Variants in COPE observed in about 807,000 individuals in gnomAD.
COPE encodes coat protein complex I subunit epsilon, also known as coatomer subunit epsilon.
Under a neutral mutation model 42.1 loss-of-function variants are expected in COPE, and 19 were observed. That is an observed-to-expected ratio of 0.45 (90% CI 0.31 to 0.66). The LOEUF (loss-of-function observed/expected upper bound fraction) is 0.66. COPE is among the 30% of genes least tolerant of loss of function. COPE has a pLI of 0.05. For synonymous variants in COPE, 195 were observed against 181.3 expected, an observed-to-expected ratio of 1.08 and a Z score of -0.60; for missense variants, 402 against 416.1, an observed-to-expected ratio of 0.97 and a Z score of 0.30.
chr19:18,906,981 T>G lies in COPE; in HGVS notation c.422A>C (p.His141Pro). Residue 141 changes from histidine to proline, a missense_variant, in exon 4 of 10, where the codon CAC (histidine) becomes CCC (proline). Physicochemically the swap from His to Pro is moderately conservative, Grantham distance 77. Transcript: ENST00000262812. Reference protein sequence around the residue: ...QNPDAALRALHQGDSLECTAM... With the variant: ...QNPDAALRALPQGDSLECTAM... ...TCACCACTCCAGGCTGTCCCCCTGG[T>G]GCAGCGCACGCAGGGCGGCATCCGG... 6.4e-7 allele frequency: 1 copy of G among 1,568,532 alleles called. No individual in the cohort carries two copies. Among genetic ancestry groups the G allele is most frequent in the Non-Finnish European group, 8.6e-7 (1 of 1,157,036 alleles).
At chr19:18,900,740 C>T (rs996928863) in intron 7 of COPE, among the ~76,000 whole-genome samples, 1 of 152,194 alleles carries the variant, frequency 6.6e-6, no homozygotes, top group Non-Finnish European at 1.5e-5. Context: ...AGCCATGGGG[C>T]CCAGACCCAG....
intron 3 of COPE, among the ~76,000 whole-genome samples, chr19:18,909,886 C>T (rs1470369650): frequency 6.6e-6 from 1 of 152,150 alleles, no homozygotes; most frequent in East Asian, 1.9e-4. Flanking sequence ...TCTTCATCTC[C>T]TTATCTCTTA....
chr19:18,907,733 T>C (rs573229928), intron 3 of COPE, among the ~76,000 whole-genome samples: 21 of 152,342 alleles, frequency 1.4e-4, no homozygotes, highest in African/African-American at 1.7e-4. Flanking sequence ...CCCATGGCTA[T>C]TGAGCAGCTA....
In COPE at chr19:18,903,311, C is replaced by T. The variant is rs148204630; in HGVS notation, c.692G>A (p.Arg231His). 8.1e-6 allele frequency: 13 copies of T among 1,609,688 alleles called. No homozygotes were observed. Among genetic ancestry groups the T allele is most frequent in the African/African-American group, 2.7e-5 (2 of 74,774 alleles). ...CAGCAGGCCCTCAGCGGCCTCCCAG[C>T]GGCCCTGGGCCATGTGGCAGGCCGC... ...GQAACHMAQG[R>H]WEAAEGLLQE... The change falls in exon 7 of 10, where the codon CGC (arginine) becomes CAC (histidine). Residue 231 changes from arginine to histidine, a missense_variant. Physicochemically the swap from Arg to His is conservative, Grantham distance 29. Coordinates refer to ENST00000262812, the MANE Select transcript of COPE (RefSeq NM_007263.4).
At chr19:18,903,497 C>CG (rs1487059392) in intron 6 of COPE, 74 bp from the exon 7 acceptor site, 38 of 1,498,394 alleles carry the variant, frequency 2.5e-5, no homozygotes, top group East Asian at 1.5e-4. Flanking sequence ...CCTCCCCTAG[C>CG]GGGGGGGACT....
At position 18,899,688 on chromosome 19, in the gene COPE, G is replaced by A. The variant is rs2056676750; in HGVS notation, c.918C>T (p.Pro306=). 2 of 1,613,578 alleles carry A rather than the reference G, an allele frequency of 1.2e-6. No individual in the cohort carries two copies. Among genetic ancestry groups the A allele is most frequent in the Non-Finnish European group, 1.7e-6 (2 of 1,179,972 alleles). ...CAGCTCTGGGCCAGCCTCAGGCGCT[G>A]GGAGCGTACTGTAGCACCAGCCTGT... ...DFDRLVLQYA[P]SA is the part of the protein sequence containing the mutation. Residue 306 remains proline (P), a synonymous_variant, in exon 10 of 10, where the codon CCC becomes CCT. Transcript: ENST00000262812.
intron 2 of COPE, 121 bp from the exon 3 acceptor site, chr19:18,911,192 C>CA: frequency 1.2e-6 from 1 of 818,186 alleles, no homozygotes; most frequent in Non-Finnish European, 2.1e-6. Flanking sequence ...CTCAGCCCAG[C>CA]ATGGGCCACC....
chr19:18,905,731 T>C, intron 4 of COPE, 102 bp from the exon 5 acceptor site: 5 of 1,247,874 alleles, frequency 4.0e-6, no homozygotes, highest in Non-Finnish European at 5.6e-6. Context: ...TGTTCCTAAG[T>C]CCTGTGCTTA....
chr19:18,903,769 G>A (rs963426572), intron 6 of COPE, among the ~76,000 whole-genome samples: 3 of 152,230 alleles, frequency 2.0e-5, no homozygotes, highest in African/African-American at 7.2e-5. Flanking sequence ...GGAGGAGTCA[G>A]CTCTGTGACC....
At chr19:18,902,809 G>GA (rs1244646448) in intron 7 of COPE, among the ~76,000 whole-genome samples, 3 of 29,878 alleles carry the variant, frequency 1.0e-4, no homozygotes, top group Admixed American at 5.2e-4. Flanking sequence ...AGGAAGGAAG[G>GA]AAGGAAGGAA....
intron 1 of COPE, among the ~76,000 whole-genome samples, chr19:18,914,472 T>G (rs117350146): frequency 6.6e-6 from 1 of 151,700 alleles, no homozygotes; most frequent in African/African-American, 2.4e-5. Flanking sequence ...ACCCGGGAGA[T>G]AGAGGCTGTA....
At chr19:18,911,270 C>G (rs1405525103) in intron 2 of COPE, 199 bp from the exon 3 acceptor site, 1 of 594,704 alleles carries the variant, frequency 1.7e-6, no homozygotes, top group Non-Finnish European at 3.0e-6. Flanking sequence ...GTGCCCTCAT[C>G]TGCAGGGCCA....
chr19:18,905,335 CTCACCCTGTGGGAGAGG>C (rs922087987), intron 5 of COPE, among the ~76,000 whole-genome samples: 5 of 152,188 alleles, frequency 3.3e-5, no homozygotes, highest in South Asian at 4.1e-4. Flanking sequence ...GAAGCCCACC[CTCACCCTGTGGGAGAGG>C]CCTGCCACCC....
At chr19:18,900,328 G>C (rs1486386677) in intron 8 of COPE, 53 bp downstream of exon 8, 1 of 1,432,846 alleles carries the variant, frequency 7.0e-7, no homozygotes. Flanking sequence ...CCCCAGGCTG[G>C]GGTCCCAGGG....
At chr19:18,901,156 G>A (rs980914368) in intron 7 of COPE, among the ~76,000 whole-genome samples, 29 of 152,204 alleles carry the variant, frequency 1.9e-4, no homozygotes, top group Admixed American at 9.2e-4. Flanking sequence ...CAAGAATGCA[G>A]GGTGACCACA....
In COPE at chr19:18,903,392, A is replaced by G; in HGVS notation, c.611T>C (p.Ile204Thr). 1.2e-6 allele frequency: 2 copies of G among 1,612,792 alleles called. No individual in the cohort carries two copies. Among genetic ancestry groups the G allele is most frequent in the South Asian group, 1.1e-5 (1 of 90,948 alleles). ...GGEKLQDAYY[I>T]FQEMADKCSP... The stretch of plus-strand genomic sequence containing the variant: ...GCACTTGTCAGCCATCTCCTGGAAG[A>G]TGTAGTAGGCATCCTGCAGCTTCTC... Residue 204 changes from isoleucine (I) to threonine (T), a missense_variant, in exon 7 of 10, where the codon ATC becomes ACC. By Grantham distance (89) the Ile-to-Thr change is moderately conservative. Coordinates refer to ENST00000262812, the MANE Select transcript of COPE (RefSeq NM_007263.4).
intron 2 of COPE, among the ~76,000 whole-genome samples, chr19:18,912,438 C>G (rs1433147701): frequency 4.6e-5 from 7 of 151,436 alleles, no homozygotes; most frequent in Admixed American, 1.3e-4. Flanking sequence ...GCCACTGTGC[C>G]TGGCTCCTAC....
chr19:18,907,631 T>C (rs2056773068), intron 3 of COPE, among the ~76,000 whole-genome samples: 1 of 152,198 alleles, frequency 6.6e-6, no homozygotes, highest in African/African-American at 2.4e-5. Flanking sequence ...AGGGCCAGGC[T>C]TGAGCCCAGG....
At chr19:18,904,691 T>A (rs1017887850) in intron 6 of COPE, 80 bp downstream of exon 6, 24 of 1,271,218 alleles carry the variant, frequency 1.9e-5, no homozygotes, top group Non-Finnish European at 2.3e-5. Context: ...GCCAGCAGCC[T>A]ACGCACAGGT....
Sources: allele counts gnomAD v4.1 joint callset (sites outside exome capture counted in the v4.1 genomes callset), GRCh38; gene constraint gnomAD v4.1.1; transcripts MANE v1.5; gene names NCBI Gene and HGNC (gene_info 2026-07-23, HGNC 2026-07-21).